The following COL19A1 variants were observed in gnomAD, a reference collection of about 807,000 sequenced individuals.
COL19A1 encodes the protein collagen alpha-1(XIX) chain.
In COL19A1, 159 loss-of-function variants were observed where a neutral mutation model predicts 190.2. That is an observed-to-expected ratio of 0.84 (90% CI 0.73 to 0.95). The LOEUF is 0.95. COL19A1 is among the 40% of genes least tolerant of loss of function. The pLI is 0.00. For synonymous variants in COL19A1, 509 were observed against 458.9 expected (o/e 1.11, Z -1.39); for missense variants, 1,418 against 1,431.9 (o/e 0.99, Z 0.16).
At chr6:69,905,106 C>G (rs1770461199) in intron 4 of COL19A1, among the ~76,000 whole-genome samples, 2 of 152,114 alleles carry the variant, frequency 1.3e-5, no homozygotes, top group East Asian at 3.9e-4. Context: ...CAGAGCCAAC[C>G]CGGGAGCCTT....
chr6:70,166,197 C>A (rs1334655920), intron 37 of COL19A1, among the ~76,000 whole-genome samples: 1 of 152,128 alleles, frequency 6.6e-6, no homozygotes, highest in African/African-American at 2.4e-5. Context: ...TGGCATACTG[C>A]GGGTCTCCCC....
intron 4 of COL19A1, among the ~76,000 whole-genome samples, chr6:69,912,305 C>G (rs563938571): frequency 6.6e-6 from 1 of 152,170 alleles, no homozygotes; most frequent in South Asian, 2.1e-4. Context: ...TGTTCTCAGG[C>G]CTCGTTAATA....
chr6:70,151,573 T>G (rs149264705), intron 31 of COL19A1, 135 bp downstream of exon 31: 2 of 748,658 alleles, frequency 2.7e-6, no homozygotes, highest in East Asian at 5.3e-5. Flanking sequence ...ATCTTTAAGA[T>G]AGGAAAATAA....
chr6:70,168,790 C>A, intron 40 of COL19A1, 109 bp downstream of exon 40: 1 of 1,155,608 alleles, frequency 8.7e-7, no homozygotes, highest in Non-Finnish European at 1.3e-6. Context: ...CATCAATTAA[C>A]ATGCTGGTGG....
intron 14 of COL19A1, among the ~76,000 whole-genome samples, chr6:70,057,214 A>G (rs1201207344): frequency 6.6e-6 from 1 of 152,166 alleles, no homozygotes; most frequent in East Asian, 1.9e-4. Context: ...TCATCATCAG[A>G]CAAATCATTA....
Position 70,133,882 on chromosome 6 carries a change from A to G in COL19A1, c.1383+3659A>G, listed in dbSNP as rs1290798638. Among the ~76,000 whole-genome samples the G allele has an allele frequency of 3.9e-5, 6 of 152,158 alleles. No individual in the cohort carries two copies. In the East Asian group the frequency reaches 9.6e-4, roughly 24 times the overall value. On this transcript the variant is annotated intron_variant, in intron 18 of 50. Transcript: ENST00000620364. ...GTCTCTAAGATTTCCTTCCAGCCCA[A>G]TGTCATCCAACGACTATGTGGAAAG...
chr6:69,921,324 TATATC>T (rs1449460680), intron 4 of COL19A1, among the ~76,000 whole-genome samples: 1 of 131,904 alleles, frequency 7.6e-6, no homozygotes, highest in Non-Finnish European at 1.5e-5. Flanking sequence ...CATATAATCA[TATATC>T]ATATATCTAT....
rs1204878480 is a variant in COL19A1 at position 70,174,393 on chromosome 6, C to T, written c.2623-2127C>T. On this transcript the variant is annotated intron_variant, in intron 41 of 50. Coordinates refer to ENST00000620364, the MANE Select transcript of COL19A1 (RefSeq NM_001858.6). ...GACCAGCCTGGCCAACGTGGTGACA[C>T]CCCATCTCCACCAAAAATTAGCCAA... is the stretch of plus-strand genomic sequence containing the variant. Among the ~76,000 whole-genome samples the T allele has an allele frequency of 1.3e-5, 2 of 152,092 alleles. 1 individual carries two copies. Among genetic ancestry groups the T allele is most frequent in the South Asian group, 4.1e-4 (2 of 4,820 alleles).
intron 1 of COL19A1, among the ~76,000 whole-genome samples, chr6:69,873,759 T>C (rs1767973411): frequency 6.6e-6 from 1 of 152,206 alleles, no homozygotes; most frequent in Non-Finnish European, 1.5e-5. Context: ...ATTAAGTTTC[T>C]AACACAGGAA....
At chr6:69,907,568 A>G (rs1770646348) in intron 4 of COL19A1, among the ~76,000 whole-genome samples, 1 of 152,226 alleles carries the variant, frequency 6.6e-6, no homozygotes, top group African/African-American at 2.4e-5. Context: ...ACTACTAATT[A>G]TGTTCAATCA....
intron 16 of COL19A1, among the ~76,000 whole-genome samples, chr6:70,121,351 T>C (rs924200028): frequency 2.0e-5 from 3 of 152,234 alleles, no homozygotes; most frequent in Admixed American, 6.5e-5. Context: ...AATATTTAAA[T>C]TTCTTAAGCC....
intron 47 of COL19A1, 60 bp downstream of exon 47, chr6:70,188,305 C>T: frequency 2.0e-6 from 3 of 1,492,032 alleles, no homozygotes; most frequent in Non-Finnish European, 2.7e-6. Flanking sequence ...ATCCCTTTTA[C>T]AATGAAAGCA....
chr6:70,194,421 A>G (rs867119297), intron 48 of COL19A1, among the ~76,000 whole-genome samples: 42 of 152,024 alleles, frequency 2.8e-4, no homozygotes, highest in African/African-American at 9.4e-4. Context: ...CCCTTCCCAA[A>G]CCTAACTGTG....
intron 35 of COL19A1, among the ~76,000 whole-genome samples, chr6:70,162,872 A>G (rs1787892624): frequency 6.6e-6 from 1 of 152,212 alleles, no homozygotes; most frequent in Non-Finnish European, 1.5e-5. Flanking sequence ...GAAAGAAACC[A>G]TGAAAATTAT....
In COL19A1 at chr6:70,140,977, A is replaced by T; in HGVS notation, c.1470A>T (p.Glu490Asp). The T allele has an allele frequency of 6.2e-7, 1 of 1,610,020 alleles. No individual in the cohort carries two copies. The highest frequency in any genetic ancestry group is 8.5e-7 in the Non-Finnish European group (1 of 1,177,054). Residue 490 changes from glutamate (E) to aspartate (D), a missense_variant, in exon 20 of 51, where the codon GAA becomes GAT. Transcript: ENST00000620364. Reference sequence around the variant, plus strand: ...AGGGAGAGCCTTTTACAAAAGGAGAAAAAGGAGATAGAGTAAGTAGATATT... The same window carrying T: ...AGGGAGAGCCTTTTACAAAAGGAGATAAAGGAGATAGAGTAAGTAGATATT... The part of the protein sequence containing the change: ...GEPGEPFTKG[E>D]KGDRGEPGVI...
At chr6:69,872,949 A>C (rs1319622452) in intron 1 of COL19A1, among the ~76,000 whole-genome samples, 3 of 152,240 alleles carry the variant, frequency 2.0e-5, no homozygotes, top group Admixed American at 2.0e-4. Context: ...ACATCCTGAG[A>C]GTAAACATTA....
intron 34 of COL19A1, 77 bp from the exon 35 acceptor site, chr6:70,161,823 G>A (rs997064093): frequency 3.4e-6 from 4 of 1,166,424 alleles, no homozygotes; most frequent in African/African-American, 1.6e-5. Context: ...ATGTTCAATG[G>A]TCAAAATATT....
chr6:69,868,897 G>A (rs955323059), intron 1 of COL19A1, among the ~76,000 whole-genome samples: 2 of 152,176 alleles, frequency 1.3e-5, no homozygotes, highest in East Asian at 3.8e-4. Flanking sequence ...AGAGGCGGAA[G>A]AAGATATGAA....
At chr6:69,897,065 A>T (rs896013171) in intron 2 of COL19A1, among the ~76,000 whole-genome samples, 1 of 152,146 alleles carries the variant, frequency 6.6e-6, no homozygotes, top group Non-Finnish European at 1.5e-5. Context: ...TGCTATCCCA[A>T]GTTCATGAAG....
Sources: allele counts gnomAD v4.1 joint callset (sites outside exome capture counted in the v4.1 genomes callset), GRCh38; gene constraint gnomAD v4.1.1; transcripts MANE v1.5; gene names NCBI Gene and HGNC (gene_info 2026-07-23, HGNC 2026-07-21).